Variants in MEX3A observed in about 807,000 individuals in gnomAD.
MEX3A encodes the protein mex-3 RNA binding family member A.
MEX3A carries 4 observed loss-of-function variants against 30.0 expected under a neutral mutation model. The observed-to-expected ratio is 0.13, with a 90% CI of 0.07 to 0.30. The LOEUF (loss-of-function observed/expected upper bound fraction) is 0.30, where lower values mean the gene tolerates loss of function less well. Ranked by LOEUF, MEX3A falls within the 10% of genes least tolerant of loss-of-function variation. The pLI is 1.00. For synonymous variants in MEX3A, 335 were observed against 327.6 expected (o/e 1.02, Z -0.24); for missense variants, 555 against 736.7 (o/e 0.75, Z 2.86).
rs557335123 is a variant in MEX3A, at chr1:156,079,114, A to AT, written c.455-1433dup. On this transcript the variant is annotated intron_variant, in intron 1 of 1. Transcript: ENST00000532414. The stretch of plus-strand genomic sequence containing the variant: ...CCAACCTGAGACCTGAGGTGAGCTC[A>AT]TTTTTTCCTCCTTCCTCCACTCCAG... 3.9e-5 allele frequency among the ~76,000 whole-genome samples: 6 copies of AT among 151,994 alleles called. No homozygotes were observed. The East Asian group carries it at 7.7e-4, about 20-fold the overall frequency.
Position 156,076,908 on chromosome 1 carries a change from G to T in MEX3A, c.1229C>A (p.Ser410Tyr). The change falls in exon 2 of 2, where the codon TCC (serine) becomes TAC (tyrosine). Residue 410 changes from serine to tyrosine, a missense_variant. Coordinates refer to ENST00000532414, the MANE Select transcript of MEX3A (RefSeq NM_001093725.2). This position sits in a 1 kb window ranked among gnomAD's most constrained non-coding sequence, Gnocchi z 6.0. The stretch of plus-strand genomic sequence containing the variant: ...GGCCTTGGCGGAAGAGGAGGAGGAG[G>T]AGGAGGCAGAGGAGAAGAGCACGGA... ...PTSVLFSSAS[S>Y]SSSSSAKARA... is the part of the protein sequence containing the mutation. 1 of 1,573,700 alleles carries T rather than the reference G, an allele frequency of 6.4e-7. No homozygotes were observed.
Position 156,073,627 on chromosome 1 carries a change from G to A in MEX3A, c.*2947C>T, listed in dbSNP as rs2102774555. The stretch of plus-strand genomic sequence containing the variant: ...AGTAATTGTTTCTTTCTCTCTCTAG[G>A]ATTATATGAAATAAATTTGAATTAT... On this transcript the variant is annotated 3_prime_UTR_variant, in exon 2 of 2. Transcript: ENST00000532414. 6.6e-6 allele frequency: 1 copy of A among 152,132 alleles called. No homozygotes were observed. The highest frequency in any genetic ancestry group is 2.1e-4 in the South Asian group (1 of 4,800). The allele number at this position is 152,132 out of a possible 1,614,324, so 9.4% of individuals were successfully genotyped here.
chr1:156,080,311 C>T (rs1231423922), intron 1 of MEX3A, among the ~76,000 whole-genome samples: 2 of 152,136 alleles, frequency 1.3e-5, no homozygotes, highest in Non-Finnish European at 2.9e-5. Flanking sequence ...GTGGCATCTT[C>T]CCCTCCTCCA....
At position 156,076,439 on chromosome 1, in the gene MEX3A, C is replaced by T; in HGVS notation, c.*135G>A. The T allele has an allele frequency of 1.1e-6, 1 of 935,474 alleles. No individual in the cohort carries two copies. Among genetic ancestry groups the T allele is most frequent in the East Asian group, 2.8e-5 (1 of 36,330 alleles). 57.9% of individuals were successfully genotyped at this position (935,474 alleles called of 1,614,324 possible). On this transcript the variant is annotated 3_prime_UTR_variant, in exon 2 of 2. Coordinates refer to ENST00000532414, the MANE Select transcript of MEX3A (RefSeq NM_001093725.2). This position sits in a 1 kb window ranked among gnomAD's most constrained non-coding sequence, Gnocchi z 6.0. The stretch of plus-strand genomic sequence containing the variant: ...CGCACCCTCCAGCCACCACTGCCTC[C>T]CTCCCCCCTTCCCCAGCGAGCGAGT...
rs1648245077 is a variant in MEX3A at position 156,081,639 on chromosome 1, T to C, written c.360A>G (p.Lys120=). The C allele has an allele frequency of 1.3e-6, 2 of 1,553,486 alleles. No individual in the cohort carries two copies. Among genetic ancestry groups the C allele is most frequent in the African/African-American group, 2.7e-5 (2 of 73,308 alleles). Reference sequence around the variant, plus strand: ...TGCCCTTCAGGCGCAGCTCGGCCTCTTTGTAGAGAGCGCAGAGCTTGGCGT... The same window carrying C: ...TGCCCTTCAGGCGCAGCTCGGCCTCCTTGTAGAGAGCGCAGAGCTTGGCGT... ...ASDAKLCALY[K]EAELRLKGSS... is the part of the protein sequence containing the mutation. The change falls in exon 1 of 2, where the codon AAA becomes AAG. Residue 120 remains lysine, a synonymous_variant. Transcript: ENST00000532414.
At position 156,076,521 on chromosome 1, in the gene MEX3A, C is replaced by T. The variant is rs895108770; in HGVS notation, c.*53G>A. On this transcript the variant is annotated 3_prime_UTR_variant, in exon 2 of 2. Transcript: ENST00000532414. This position sits in a 1 kb window ranked among gnomAD's most constrained non-coding sequence, Gnocchi z 6.0. ...CTTTCCAAAAGGCTTTAGTGGAAAA[C>T]AGGTCCAGGGTGGGCCCAGTGGAGT... is the stretch of plus-strand genomic sequence containing the variant. The T allele has an allele frequency of 4.0e-5, 61 of 1,529,066 alleles. No individual in the cohort carries two copies. In the East Asian group the frequency reaches 1.3e-3, roughly 33 times the overall value. 94.7% of individuals were successfully genotyped at this position (1,529,066 alleles called of 1,614,324 possible). A position where few individuals can be genotyped will look rare whatever the true frequency, so the allele number is the denominator to read the frequency against.
At position 156,073,728 on chromosome 1, in the gene MEX3A, CTTG is replaced by C. The variant is rs903249562; in HGVS notation, c.*2843_*2845del. ...GTTTCTCTTTTTCTTCTCTTTCTCT[CTTG>C]TTTTTGGTTAAAAAAAAATCTAGAT... On this transcript the variant is annotated 3_prime_UTR_variant, in exon 2 of 2. Transcript: ENST00000532414. 3 of 152,214 alleles carry C rather than the reference CTTG, an allele frequency of 2.0e-5. No individual in the cohort carries two copies. The highest frequency in any genetic ancestry group is 7.2e-5 in the African/African-American group (3 of 41,456). The allele number at this position is 152,214 out of a possible 1,614,324, so 9.4% of individuals were successfully genotyped here.
At chr1:156,079,892 T>C in intron 1 of MEX3A, among the ~76,000 whole-genome samples, 1 of 152,110 alleles carries the variant, frequency 6.6e-6, no homozygotes, top group East Asian at 1.9e-4. Context: ...TCTTCCTGGG[T>C]TCTGCAACCC....
At chr1:156,079,067 T>C (rs935444289) in intron 1 of MEX3A, among the ~76,000 whole-genome samples, 4 of 152,064 alleles carry the variant, frequency 2.6e-5, no homozygotes, top group African/African-American at 9.7e-5. Flanking sequence ...TGGTCCTACT[T>C]TTCTGCCTCT....
In MEX3A at chr1:156,077,171, CCG is replaced by C; in HGVS notation, c.964_965del (p.Arg322GlyfsTer30). 1 of 1,613,484 alleles carries C rather than the reference CCG, an allele frequency of 6.2e-7. No individual in the cohort carries two copies. The highest frequency in any genetic ancestry group is 1.1e-5 in the South Asian group (1 of 91,072). On this transcript the variant is annotated frameshift_variant, in exon 2 of 2. Transcript: ENST00000532414. LOFTEE classifies it high-confidence loss of function. The surrounding 1 kb of genome is among the most constrained non-coding windows in gnomAD (Gnocchi z 8.3). ...AIDSRYSDAW[R>X]VHQPGCKPLS... ...GGGGCTTGCAGCCGGGCTGGTGCAC[CCG>C]CCAGGCGTCGGAGTAGCGGCTATCG...
In MEX3A at chr1:156,077,176, A is replaced by ACCCC; in HGVS notation, c.960_961insGGGG (p.Trp321GlyfsTer33). On this transcript the variant is annotated frameshift_variant, in exon 2 of 2. Transcript: ENST00000532414. LOFTEE classifies it high-confidence loss of function. This position sits in a 1 kb window ranked among gnomAD's most constrained non-coding sequence, Gnocchi z 8.3. ...TTGCAGCCGGGCTGGTGCACCCGCC[A>ACCCC]GGCGTCGGAGTAGCGGCTATCGATT... The ACCCC allele has an allele frequency of 6.2e-7, 1 of 1,613,430 alleles. No individual in the cohort carries two copies. Among genetic ancestry groups the ACCCC allele is most frequent in the South Asian group, 1.1e-5 (1 of 91,070 alleles).
chr1:156,074,404 C>CT lies in MEX3A; in HGVS notation c.*2169dup, dbSNP rs201492514. ...TAGAATATTAAATTATAAAGAACTG[C>CT]TTTTTTTTTTTTTTTTTGCTATTTT... On this transcript the variant is annotated 3_prime_UTR_variant, in exon 2 of 2. Transcript: ENST00000532414. The CT allele has an allele frequency of 5.5e-3, 665 of 121,526 alleles. 4 individuals carry two copies. Among genetic ancestry groups the CT allele is most frequent in the African/African-American group, 9.0e-3 (292 of 32,576 alleles). The allele number at this position is 121,526 out of a possible 1,614,324, so 7.5% of individuals were successfully genotyped here.
rs755905946 is a variant in MEX3A, at chr1:156,077,190, C to T, written c.947G>A (p.Arg316His). 3.1e-6 allele frequency: 5 copies of T among 1,613,396 alleles called. No individual in the cohort carries two copies. The highest frequency in any genetic ancestry group is 2.7e-5 in the African/African-American group (2 of 74,938). Reference sequence around the variant, plus strand: ...GTGCACCCGCCAGGCGTCGGAGTAGCGGCTATCGATTGCTGCGTCGGGGCT... The same window carrying T: ...GTGCACCCGCCAGGCGTCGGAGTAGTGGCTATCGATTGCTGCGTCGGGGCT... Reference protein sequence around the residue: ...AGSPDAAIDSRYSDAWRVHQP... With the variant: ...AGSPDAAIDSHYSDAWRVHQP... Residue 316 changes from arginine (R) to histidine (H), a missense_variant, in exon 2 of 2, where the codon CGC (arginine) becomes CAC (histidine). Coordinates refer to ENST00000532414, the MANE Select transcript of MEX3A (RefSeq NM_001093725.2). The surrounding 1 kb of genome is among the most constrained non-coding windows in gnomAD (Gnocchi z 8.3).
At chr1:156,080,992 C>T (rs1204202177) in intron 1 of MEX3A, among the ~76,000 whole-genome samples, 1 of 152,140 alleles carries the variant, frequency 6.6e-6, no homozygotes, top group Non-Finnish European at 1.5e-5. Flanking sequence ...CTCTCAGCAG[C>T]CCCCCTCACC....
chr1:156,077,087 G>C lies in MEX3A; in HGVS notation c.1050C>G (p.Gly350=). 6.2e-7 allele frequency: 1 copy of C among 1,613,932 alleles called. No individual in the cohort carries two copies. Among genetic ancestry groups the C allele is most frequent in the East Asian group, 2.2e-5 (1 of 44,880 alleles). The change falls in exon 2 of 2, where the codon GGC becomes GGG. Residue 350 remains glycine, a synonymous_variant. Transcript: ENST00000532414. This position sits in a 1 kb window ranked among gnomAD's most constrained non-coding sequence, Gnocchi z 8.3. ...GCTCACCCAGGCGTGGGGCCTCAAA[G>C]CCAGAGTCCACTCCGCACTCGCCGA... ...GCIGECGVDS[G]FEAPRLGEQG... is the part of the protein sequence containing the mutation.
chr1:156,081,169 G>A (rs1406530479), intron 1 of MEX3A, among the ~76,000 whole-genome samples: 1 of 152,196 alleles, frequency 6.6e-6, no homozygotes, highest in Non-Finnish European at 1.5e-5. Context: ...CCCCAGCCTA[G>A]GAGCAGATAC....
In MEX3A at chr1:156,077,018, A is replaced by G. The variant is rs1242699433; in HGVS notation, c.1119T>C (p.Tyr373=). 3.1e-6 allele frequency: 5 copies of G among 1,613,604 alleles called. No individual in the cohort carries two copies. Among genetic ancestry groups the G allele is most frequent in the East Asian group, 4.5e-5 (2 of 44,862 alleles). Residue 373 remains tyrosine, a synonymous_variant, in exon 2 of 2, where the codon TAT becomes TAC. Transcript: ENST00000532414. The surrounding 1 kb of genome is among the most constrained non-coding windows in gnomAD (Gnocchi z 8.3). ...FGYGGYLFPG[Y]GVGKQDVYYG... is the part of the protein sequence containing the mutation. The stretch of plus-strand genomic sequence containing the variant: ...AGTACACATCCTGCTTGCCCACGCC[A>G]TAGCCCGGAAAGAGGTACCCGCCGT...
intron 1 of MEX3A, among the ~76,000 whole-genome samples, chr1:156,080,112 A>C (rs1051463412): frequency 6.6e-6 from 1 of 152,208 alleles, no homozygotes; most frequent in African/African-American, 2.4e-5. Flanking sequence ...GCAGAAGAGG[A>C]AAGAATGACT....
At position 156,077,971 on chromosome 1, in the gene MEX3A, A is replaced by C. The variant is rs1022481874; in HGVS notation, c.455-289T>G. 6.6e-6 allele frequency among the ~76,000 whole-genome samples: 1 copy of C among 152,002 alleles called. No individual in the cohort carries two copies. Reference sequence around the variant, plus strand: ...ATTCATTCACTCCTCAAAACCCCCAAATAATCACTGACCCTCCCATACAAG... The same window carrying C: ...ATTCATTCACTCCTCAAAACCCCCACATAATCACTGACCCTCCCATACAAG... On this transcript the variant is annotated intron_variant, in intron 1 of 1. Coordinates refer to ENST00000532414, the MANE Select transcript of MEX3A (RefSeq NM_001093725.2). This position sits in a 1 kb window ranked among gnomAD's most constrained non-coding sequence, Gnocchi z 8.3.
Sources: allele counts gnomAD v4.1 joint callset (sites outside exome capture counted in the v4.1 genomes callset), GRCh38; gene constraint gnomAD v4.1.1; non-coding constraint Gnocchi (gnomAD v3.1); transcripts MANE v1.5; gene names NCBI Gene and HGNC (gene_info 2026-07-23, HGNC 2026-07-21).